Variants in DGKI observed in about 807,000 individuals in gnomAD.
The protein encoded by DGKI is DAG kinase iota.
In DGKI, 55 loss-of-function variants were observed where a neutral mutation model predicts 147.5. The observed-to-expected ratio is 0.37, with a 90% confidence interval of 0.30 to 0.47. The LOEUF is 0.47. DGKI is among the 20% of genes least tolerant of loss of function. The pLI, the probability that DGKI is intolerant of heterozygous loss-of-function variation, is 1.00. For synonymous variants in DGKI, 469 were observed against 477.1 expected, an observed-to-expected ratio of 0.98 and a Z score of 0.22; for missense variants, 1,007 against 1,323.8, an observed-to-expected ratio of 0.76 and a Z score of 3.71.
intron 28 of DGKI, among the ~76,000 whole-genome samples, chr7:137,427,648 C>T (rs1429309028): frequency 6.6e-6 from 1 of 151,796 alleles, no homozygotes; most frequent in Non-Finnish European, 1.5e-5. Flanking sequence ...ATTGATAGAC[C>T]ACTAGCAAGA....
Position 137,391,001 on chromosome 7 carries a change from C to T in DGKI, c.*219G>A, listed in dbSNP as rs768170353. 68 of 556,716 alleles carry T rather than the reference C, an allele frequency of 1.2e-4. No homozygotes were observed. Among genetic ancestry groups the T allele is most frequent in the Non-Finnish European group, 1.9e-4 (61 of 313,654 alleles). 34.5% of individuals were successfully genotyped at this position (556,716 alleles called of 1,614,324 possible). On this transcript the variant is annotated 3_prime_UTR_variant, in exon 33 of 33. Coordinates refer to ENST00000614521, the MANE Select transcript of DGKI (RefSeq NM_001321708.2). ...AATTTTGTGGAACTCGTACTGTATT[C>T]CACAAATCTCCAGGTATCCTGCCTC...
chr7:137,545,230 C>T (rs1246559410), intron 20 of DGKI, among the ~76,000 whole-genome samples: 1 of 152,074 alleles, frequency 6.6e-6, no homozygotes, highest in Non-Finnish European at 1.5e-5. Context: ...GTAACAGTCC[C>T]TGAAACATAA....
At chr7:137,396,242 T>C (rs1434779405) in intron 31 of DGKI, among the ~76,000 whole-genome samples, 1 of 152,034 alleles carries the variant, frequency 6.6e-6, no homozygotes, top group Non-Finnish European at 1.5e-5. Flanking sequence ...TCTGTGTGAG[T>C]GGCAGGTGGA....
chr7:137,466,269 G>A (rs538435016), intron 25 of DGKI, among the ~76,000 whole-genome samples: 1 of 152,350 alleles, frequency 6.6e-6, no homozygotes, highest in South Asian at 2.1e-4. Context: ...GATATATCTA[G>A]AAATGGTCTT....
At chr7:137,497,765 C>T (rs537974089) in intron 21 of DGKI, among the ~76,000 whole-genome samples, 1 of 152,004 alleles carries the variant, frequency 6.6e-6, no homozygotes, top group South Asian at 2.1e-4. Flanking sequence ...CTTTGTGTAC[C>T]CATGGACACA....
At chr7:137,403,609 A>C (rs1457357564) in intron 30 of DGKI, among the ~76,000 whole-genome samples, 1 of 152,198 alleles carries the variant, frequency 6.6e-6, no homozygotes, top group African/African-American at 2.4e-5. Context: ...AAACAACATC[A>C]GCTGTGCACC....
At chr7:137,762,855 C>G (rs538898503) in intron 1 of DGKI, among the ~76,000 whole-genome samples, 1 of 152,298 alleles carries the variant, frequency 6.6e-6, no homozygotes, top group South Asian at 2.1e-4. Flanking sequence ...CAGCACCTAG[C>G]CTGTTCCAGA....
chr7:137,740,527 C>T (rs1182154904), intron 1 of DGKI, among the ~76,000 whole-genome samples: 1 of 152,142 alleles, frequency 6.6e-6, no homozygotes, highest in African/African-American at 2.4e-5. Context: ...GTCACACTTC[C>T]CTACTTCAAA....
chr7:137,788,382 C>T (rs1796737150), intron 1 of DGKI, among the ~76,000 whole-genome samples: 1 of 152,084 alleles, frequency 6.6e-6, no homozygotes, highest in Non-Finnish European at 1.5e-5. Context: ...CTTCCCTTCC[C>T]TTCACTGTCT....
At chr7:137,664,361 G>A (rs1177987159) in intron 3 of DGKI, among the ~76,000 whole-genome samples, 1 of 115,448 alleles carries the variant, frequency 8.7e-6, no homozygotes. Flanking sequence ...CTGGGTGACA[G>A]AGCAAGACTC....
intron 21 of DGKI, among the ~76,000 whole-genome samples, chr7:137,511,668 T>C (rs1230191211): frequency 6.6e-6 from 1 of 152,238 alleles, no homozygotes; most frequent in Non-Finnish European, 1.5e-5. Flanking sequence ...GATTTTGGTA[T>C]GTGGGTGGCT....
intron 22 of DGKI, 122 bp from the exon 23 acceptor site, chr7:137,485,540 C>T (rs1815525629): frequency 1.4e-6 from 1 of 733,030 alleles, no homozygotes; most frequent in Admixed American, 2.8e-5. Flanking sequence ...AAGTATCGAA[C>T]ACACCCAAAT....
At chr7:137,529,380 G>A (rs1817262449) in intron 20 of DGKI, among the ~76,000 whole-genome samples, 1 of 152,084 alleles carries the variant, frequency 6.6e-6, no homozygotes, top group African/African-American at 2.4e-5. Context: ...TTTCATGTGT[G>A]ATTAGGCCAG....
rs956784861 is a variant in DGKI at position 137,846,641 on chromosome 7, G to C, written c.222C>G (p.Ser74Arg). ...CGCCCAGGCAGCAGCTCCCGGCGCC[G>C]CTTCCGCTGCTGCTGCTGCCGCCCG... ...GATGGSSSSGSGAGSCCLGAE... is the reference protein window; with the variant it reads ...GATGGSSSSGRGAGSCCLGAE... The change falls in exon 1 of 33, where the codon AGC becomes AGG. Residue 74 changes from serine to arginine, a missense_variant. Transcript: ENST00000614521. This position sits in a 1 kb window ranked among gnomAD's most constrained non-coding sequence, Gnocchi z 4.0. 22 of 1,064,966 alleles carry C rather than the reference G, an allele frequency of 2.1e-5. No homozygotes were observed. Among genetic ancestry groups the C allele is most frequent in the Non-Finnish European group, 2.5e-5 (22 of 884,242 alleles). 66.0% of individuals were successfully genotyped at this position (1,064,966 alleles called of 1,614,324 possible). A position where few individuals can be genotyped will look rare whatever the true frequency, so the allele number is the denominator to read the frequency against.
rs1797298220 is a variant in DGKI, at chr7:137,804,257, G to C, written c.401+42205C>G. Among the ~76,000 whole-genome samples the C allele has an allele frequency of 4.6e-5, 7 of 152,178 alleles. No homozygotes were observed. The South Asian group carries it at 1.4e-3, about 32-fold the overall frequency. On this transcript the variant is annotated intron_variant, in intron 1 of 32. Coordinates refer to ENST00000614521, the MANE Select transcript of DGKI (RefSeq NM_001321708.2). Reference sequence around the variant, plus strand: ...GCTTGTGCAGTTATTTAGCCTCTCTGAGCATCAGTTTTCTCTTCAGGAAAA... The same window carrying C: ...GCTTGTGCAGTTATTTAGCCTCTCTCAGCATCAGTTTTCTCTTCAGGAAAA...
At position 137,710,090 on chromosome 7, in the gene DGKI, G is replaced by C. The variant is rs530037090; in HGVS notation, c.402-20088C>G. Among the ~76,000 whole-genome samples the C allele has an allele frequency of 8.0e-4, 121 of 152,070 alleles. 1 individual carries two copies. Among genetic ancestry groups the C allele is most frequent in the African/African-American group, 2.8e-3 (116 of 41,534 alleles). ...CAAAAAAAGAACAGAGAGAATTGAA[G>C]AGAGAATTGGGTACAGACAATATTT... On this transcript the variant is annotated intron_variant, in intron 1 of 32. Coordinates refer to ENST00000614521, the MANE Select transcript of DGKI (RefSeq NM_001321708.2).
At position 137,829,545 on chromosome 7, in the gene DGKI, C is replaced by A. The variant is rs1382691687; in HGVS notation, c.401+16917G>T. 2.0e-5 allele frequency among the ~76,000 whole-genome samples: 3 copies of A among 152,314 alleles called. No homozygotes were observed. The East Asian group carries it at 5.8e-4, about 29-fold the overall frequency. ...GTAACTGTGCTGTCCAGCAGGACAG[C>A]TACTAGCTACATAAGGCCCTTATTT... On this transcript the variant is annotated intron_variant, in intron 1 of 32. Coordinates refer to ENST00000614521, the MANE Select transcript of DGKI (RefSeq NM_001321708.2).
rs371712097 is a variant in DGKI, at chr7:137,455,946, T to C, written c.2735+7543A>G. ...AAAATATTTCAAAATGATCACTCTT[T>C]CACACTTTAGATCTGTTTAATCAAA... On this transcript the variant is annotated intron_variant, in intron 27 of 32. Coordinates refer to ENST00000614521, the MANE Select transcript of DGKI (RefSeq NM_001321708.2). Among the ~76,000 whole-genome samples the C allele has an allele frequency of 6.6e-5, 10 of 152,306 alleles. No homozygotes were observed. The East Asian group carries it at 9.7e-4, about 15-fold the overall frequency.
At chr7:137,833,746 A>G (rs989248498) in intron 1 of DGKI, among the ~76,000 whole-genome samples, 6 of 152,168 alleles carry the variant, frequency 3.9e-5, no homozygotes, top group South Asian at 2.1e-4. Flanking sequence ...ACTTGCCCCA[A>G]GATGCTATCA....
Sources: gnomAD v4.1 joint callset for allele counts (sites outside exome capture counted in the v4.1 genomes callset) on GRCh38, gnomAD v4.1.1 for gene constraint, Gnocchi (gnomAD v3.1) non-coding constraint, MANE v1.5 for transcripts, NCBI Gene and HGNC (gene_info 2026-07-23, HGNC 2026-07-21) for gene names.